The following NRXN3 variants were observed in gnomAD, a reference collection of about 807,000 sequenced individuals.
NRXN3 encodes neurexin 3.
A neutral mutation model predicts 137.6 loss-of-function variants in NRXN3; 32 were observed. That is an observed-to-expected ratio of 0.23 (90% confidence interval 0.18 to 0.31). NRXN3 has a LOEUF of 0.31. NRXN3 is among the 10% of genes least tolerant of loss of function. The probability of loss-of-function intolerance (pLI) is 1.00; values close to 1 mark genes in which losing one functional copy is unlikely to be tolerated. For synonymous variants in NRXN3, 798 were observed against 784.5 expected (o/e 1.02, Z -0.29); for missense variants, 1,574 against 2,062.5 (o/e 0.76, Z 4.59).
intron 15 of NRXN3, among the ~76,000 whole-genome samples, chr14:79,413,164 C>T (rs1407608931): frequency 6.6e-6 from 1 of 152,094 alleles, no homozygotes; most frequent in Non-Finnish European, 1.5e-5. Context: ...CATTACTTCC[C>T]ACTCGTCTTT....
chr14:79,856,277 T>G (rs1031428167), intron 20 of NRXN3, among the ~76,000 whole-genome samples: 1 of 152,154 alleles, frequency 6.6e-6, no homozygotes, highest in Non-Finnish European at 1.5e-5. Context: ...CGAAGGTTGA[T>G]AGAGAGCAAT....
At chr14:78,537,921 G>A (rs1243790348) in intron 4 of NRXN3, among the ~76,000 whole-genome samples, 4 of 152,158 alleles carry the variant, frequency 2.6e-5, no homozygotes, top group Non-Finnish European at 5.9e-5. Context: ...GATGGTTGTA[G>A]ATGTGTAGTG....
chr14:79,427,890 G>A (rs1267419097), intron 15 of NRXN3, among the ~76,000 whole-genome samples: 3 of 152,026 alleles, frequency 2.0e-5, no homozygotes, highest in Non-Finnish European at 4.4e-5. Flanking sequence ...TTTATTCAAG[G>A]AATTGCTAAA....
At position 79,416,092 on chromosome 14, in the gene NRXN3, C is replaced by T. The variant is rs532029067; in HGVS notation, c.3263-51129C>T. ...TTTAGACCCAAGATTAAATCTGAAG[C>T]GAAACCAAATGTCTGTATTTTTTAA... On this transcript the variant is annotated intron_variant, in intron 15 of 20. Transcript: ENST00000335750. Among the ~76,000 whole-genome samples the T allele has an allele frequency of 9.2e-5, 14 of 152,132 alleles. No individual in the cohort carries two copies. The East Asian group carries it at 2.5e-3, about 27-fold the overall frequency.
At chr14:79,771,891 C>G (rs1384503353) in intron 19 of NRXN3, among the ~76,000 whole-genome samples, 1 of 125,758 alleles carries the variant, frequency 8.0e-6, no homozygotes, top group African/African-American at 3.1e-5. Flanking sequence ...TGTCTCAGCC[C>G]AAAATCTCCT....
At chr14:78,868,073 ATTTAC>A (rs1278206511) in intron 10 of NRXN3, among the ~76,000 whole-genome samples, 6 of 149,470 alleles carry the variant, frequency 4.0e-5, no homozygotes, top group African/African-American at 1.5e-4. Flanking sequence ...CTTAATATAA[ATTTAC>A]TTAATATAAA....
chr14:79,284,460 A>G (rs1323854508), intron 15 of NRXN3, among the ~76,000 whole-genome samples: 1 of 148,038 alleles, frequency 6.8e-6, no homozygotes, highest in African/African-American at 2.5e-5. Flanking sequence ...TAAGGATTCA[A>G]GGTTTTATAT....
intron 15 of NRXN3, among the ~76,000 whole-genome samples, chr14:79,265,641 T>C (rs1352023021): frequency 6.6e-6 from 1 of 152,164 alleles, no homozygotes; most frequent in Admixed American, 6.5e-5. Flanking sequence ...TCATCCTTTT[T>C]TGCTTTGCAT....
intron 16 of NRXN3, among the ~76,000 whole-genome samples, chr14:79,530,408 C>T (rs2097159078): frequency 6.6e-6 from 1 of 151,760 alleles, no homozygotes; most frequent in Non-Finnish European, 1.5e-5. Context: ...GGAGGGGTGG[C>T]TATGGGGATG....
chr14:78,492,213 A>G (rs999747971), intron 4 of NRXN3, among the ~76,000 whole-genome samples: 11 of 152,228 alleles, frequency 7.2e-5, no homozygotes, highest in Admixed American at 6.5e-4. Context: ...CAAGGTATAG[A>G]GTATGAGAGG....
intron 17 of NRXN3, among the ~76,000 whole-genome samples, chr14:79,687,784 A>G (rs2098701346): frequency 6.6e-6 from 1 of 152,186 alleles, no homozygotes; most frequent in Non-Finnish European, 1.5e-5. Flanking sequence ...ACTCTTTCTC[A>G]GCTTAGCAGC....
At chr14:79,400,041 C>T (rs929965457) in intron 15 of NRXN3, among the ~76,000 whole-genome samples, 9 of 152,194 alleles carry the variant, frequency 5.9e-5, no homozygotes, top group Admixed American at 1.3e-4. Context: ...CCTGTCTTTA[C>T]GTGACCTGAT....
chr14:78,243,869 C>T lies in NRXN3; in HGVS notation c.709+67C>T. 8.4e-7 allele frequency: 1 copy of T among 1,194,552 alleles called. No individual in the cohort carries two copies. The allele number at this position is 1,194,552 out of a possible 1,614,324, so 74.0% of individuals were successfully genotyped here. A position where few individuals can be genotyped will look rare whatever the true frequency, so the allele number is the denominator to read the frequency against. The stretch of plus-strand genomic sequence containing the variant: ...ATGGCTGAGGCTGGGGCTCCTGATA[C>T]AAACCAGTTCTATATGGATGCATAT... On this transcript the variant is annotated intron_variant, in intron 2 of 20. Coordinates refer to ENST00000335750, the MANE Select transcript of NRXN3 (RefSeq NM_001330195.2). The surrounding 1 kb of genome is among the most constrained non-coding windows in gnomAD (Gnocchi z 4.2).
chr14:78,886,211 T>G (rs1187656785), intron 10 of NRXN3, among the ~76,000 whole-genome samples: 1 of 152,138 alleles, frequency 6.6e-6, no homozygotes, highest in Admixed American at 6.6e-5. Context: ...TGTCATATCC[T>G]TATTACTCAG....
At chr14:79,724,725 A>G (rs963576661) in intron 19 of NRXN3, among the ~76,000 whole-genome samples, 1 of 152,168 alleles carries the variant, frequency 6.6e-6, no homozygotes, top group African/African-American at 2.4e-5. Context: ...ACTATATGGT[A>G]GAGTTCAGCT....
chr14:78,217,095 C>T (rs940878689), intron 1 of NRXN3, among the ~76,000 whole-genome samples: 3 of 152,230 alleles, frequency 2.0e-5, no homozygotes, highest in African/African-American at 7.2e-5. Flanking sequence ...CAGCCCACAA[C>T]ACCTCATCTT....
At position 79,685,512 on chromosome 14, in the gene NRXN3, A is replaced by C. The variant is rs74063914; in HGVS notation, c.3617-6661A>C. On this transcript the variant is annotated intron_variant, in intron 17 of 20. Transcript: ENST00000335750. ...TAATTTATAACATGGCCTTTTTGAG[A>C]GGGGCTCTTAAATAAAGAATTGGTG... 4.6e-3 allele frequency among the ~76,000 whole-genome samples: 708 copies of C among 152,274 alleles called. 7 individuals are homozygous for C. The highest frequency in any genetic ancestry group is 0.017 in the African/African-American group (686 of 41,572).
In NRXN3 at chr14:79,126,570, A is replaced by G. The variant is rs1203721205; in HGVS notation, c.3262+138429A>G. On this transcript the variant is annotated intron_variant, in intron 15 of 20. Coordinates refer to ENST00000335750, the MANE Select transcript of NRXN3 (RefSeq NM_001330195.2). The stretch of plus-strand genomic sequence containing the variant: ...GTGCCACATTTTCTTAATCCAGTCT[A>G]TCATTGTTGGACATTTGGGTTGGTT... 1.3e-5 allele frequency among the ~76,000 whole-genome samples: 2 copies of G among 152,064 alleles called. 1 individual carries two copies. Among genetic ancestry groups the G allele is most frequent in the African/African-American group, 4.8e-5 (2 of 41,384 alleles).
intron 19 of NRXN3, among the ~76,000 whole-genome samples, chr14:79,800,462 T>G (rs1402619103): frequency 6.6e-6 from 1 of 152,242 alleles, no homozygotes; most frequent in Non-Finnish European, 1.5e-5. Context: ...TAGATATCCA[T>G]TTCTTTGCAG....
Sources: gnomAD v4.1 joint callset for allele counts (sites outside exome capture counted in the v4.1 genomes callset) on GRCh38, gnomAD v4.1.1 for gene constraint, Gnocchi (gnomAD v3.1) non-coding constraint, MANE v1.5 for transcripts, NCBI Gene and HGNC (gene_info 2026-07-23, HGNC 2026-07-21) for gene names.